The following PLXDC1 variants were observed in gnomAD, a reference collection of about 807,000 sequenced individuals.
PLXDC1 encodes plexin domain-containing protein 1.
A neutral mutation model predicts 61.3 loss-of-function variants in PLXDC1; 39 were observed. The ratio of observed to expected loss-of-function variants is 0.64; its 90% CI spans 0.49 to 0.83. PLXDC1 has a LOEUF of 0.83. Among genes scored for constraint, PLXDC1 ranks in the 40% least tolerant of loss-of-function variants. The pLI, the probability that PLXDC1 is intolerant of heterozygous loss-of-function variation, is 0.00. For synonymous variants in PLXDC1, 212 were observed against 254.5 expected, an observed-to-expected ratio of 0.83 and a Z score of 1.59; for missense variants, 596 against 666.5, an observed-to-expected ratio of 0.89 and a Z score of 1.17.
At position 39,151,254 on chromosome 17, in the gene PLXDC1, G is replaced by GC. The variant is rs1010403935; in HGVS notation, c.76+107dup. On this transcript the variant is annotated intron_variant, in intron 1 of 13. Coordinates refer to ENST00000315392, the MANE Select transcript of PLXDC1 (RefSeq NM_020405.5). This position sits in a 1 kb window ranked among gnomAD's most constrained non-coding sequence, Gnocchi z 5.2. ...GCTCTCCTGGCCTCCTGCGGACAAT[G>GC]CCCCCCTCGCGGACATCGCCAGGCC... 2.2e-5 allele frequency: 18 copies of GC among 812,984 alleles called. No homozygotes were observed. Among genetic ancestry groups the GC allele is most frequent in the Non-Finnish European group, 3.0e-5 (18 of 603,738 alleles). 50.4% of individuals were successfully genotyped at this position (812,984 alleles called of 1,614,324 possible).
intron 13 of PLXDC1, among the ~76,000 whole-genome samples, chr17:39,068,317 G>GA (rs1235372305): frequency 1.3e-5 from 2 of 152,214 alleles, no homozygotes; most frequent in Non-Finnish European, 2.9e-5. Flanking sequence ...TTGAGGCTCT[G>GA]AAAATGCCAA....
chr17:39,151,734 G>T, upstream of PLXDC1: 1 of 245,738 alleles, frequency 4.1e-6, no homozygotes. The surrounding 1 kb of genome is among the most constrained non-coding windows in gnomAD (Gnocchi z 5.2). Context: ...GGGCTCTCCC[G>T]GCGCCTGCCC....
intron 2 of PLXDC1, among the ~76,000 whole-genome samples, chr17:39,135,672 C>T (rs112558565): frequency 2.1e-5 from 3 of 144,714 alleles, no homozygotes; most frequent in Admixed American, 1.4e-4. Context: ...AGCAACACTC[C>T]GTCTAAAAAA....
upstream of PLXDC1, chr17:39,152,908 C>A (rs1185679050): frequency 1.6e-5 from 6 of 373,468 alleles, no homozygotes; most frequent in African/African-American, 4.2e-5. Context: ...CAGCCCTAAA[C>A]CCAATGTCCC....
intron 13 of PLXDC1, among the ~76,000 whole-genome samples, chr17:39,068,676 A>C (rs12451694): frequency 0.23 from 34,775 of 152,142 alleles, 4,901 homozygotes; most frequent in Admixed American, 0.4. Context: ...GACTGTCTCG[A>C]AATAAATAAA....
intron 2 of PLXDC1, among the ~76,000 whole-genome samples, chr17:39,128,777 G>A (rs34120842): frequency 0.017 from 2,427 of 144,626 alleles, 57 homozygotes; most frequent in African/African-American, 0.058. Context: ...TTGGGAGGTC[G>A]AGGTGGGCAG....
At chr17:39,092,140 G>T (rs183064641) in intron 7 of PLXDC1, among the ~76,000 whole-genome samples, 2 of 151,874 alleles carry the variant, frequency 1.3e-5, no homozygotes, top group African/African-American at 4.8e-5. Context: ...GTGTAATGGC[G>T]CAATCACAGT....
At chr17:39,115,500 G>A (rs1910938484) in intron 2 of PLXDC1, among the ~76,000 whole-genome samples, 1 of 152,200 alleles carries the variant, frequency 6.6e-6, no homozygotes, top group South Asian at 2.1e-4. Flanking sequence ...TGGCACACCT[G>A]ACTTTTATTA....
rs193034281 is a variant in PLXDC1 at position 39,084,607 on chromosome 17, G to A, written c.908-1067C>T. 3.9e-5 allele frequency among the ~76,000 whole-genome samples: 6 copies of A among 152,342 alleles called. No homozygotes were observed. In the East Asian group the frequency reaches 7.7e-4, roughly 20 times the overall value. On this transcript the variant is annotated intron_variant, in intron 8 of 13. Transcript: ENST00000315392. ...GCAGAAAGGTCCCATGTGCAGAGCC[G>A]AGAGGGGAACGGCCCAGACGTGATC...
intron 2 of PLXDC1, among the ~76,000 whole-genome samples, chr17:39,119,225 A>T (rs962198642): frequency 6.6e-6 from 1 of 152,224 alleles, no homozygotes. Context: ...AGGACCTTAA[A>T]TAGAATAGCC....
At position 39,067,468 on chromosome 17, in the gene PLXDC1, G is replaced by C. The variant is rs1486098725; in HGVS notation, c.*372C>G. The C allele has an allele frequency of 6.0e-6, 1 of 167,744 alleles. No homozygotes were observed. The highest frequency in any genetic ancestry group is 1.3e-5 in the Non-Finnish European group (1 of 78,186). The allele number at this position is 167,744 out of a possible 1,614,324, so 10.4% of individuals were successfully genotyped here. On this transcript the variant is annotated 3_prime_UTR_variant, in exon 14 of 14. Coordinates refer to ENST00000315392, the MANE Select transcript of PLXDC1 (RefSeq NM_020405.5). ...CAAACGGCATGATTCCTGTTTTTGC[G>C]TTTTATGTCAGTGCTCTAAAGTTAT...
At position 39,072,387 on chromosome 17, in the gene PLXDC1, T is replaced by C. The variant is rs1256162451; in HGVS notation, c.1222+63A>G. The C allele has an allele frequency of 4.3e-6, 5 of 1,166,036 alleles. No individual in the cohort carries two copies. In the East Asian group the frequency reaches 7.6e-5, roughly 18 times the overall value. The allele number at this position is 1,166,036 out of a possible 1,614,324, so 72.2% of individuals were successfully genotyped here. Reference sequence around the variant, plus strand: ...AATAGCCCAGGCGACTGCTGCACCCTCTTCTGGGGTGGGTCCAAGAGGCGC... The same window carrying C: ...AATAGCCCAGGCGACTGCTGCACCCCCTTCTGGGGTGGGTCCAAGAGGCGC... On this transcript the variant is annotated intron_variant, in intron 12 of 13. Transcript: ENST00000315392.
In PLXDC1 at chr17:39,067,744, G is replaced by A. The variant is rs896178881; in HGVS notation, c.*96C>T. On this transcript the variant is annotated 3_prime_UTR_variant, in exon 14 of 14. Transcript: ENST00000315392. ...AAACCACCATCTCATCTCAGCCCAGGGCATGCTGGGAGAGGCCAGGAAAAG... is the reference window on the plus strand; with the variant it reads ...AAACCACCATCTCATCTCAGCCCAGAGCATGCTGGGAGAGGCCAGGAAAAG... The A allele has an allele frequency of 1.7e-6, 2 of 1,196,662 alleles. No homozygotes were observed. The highest frequency in any genetic ancestry group is 2.4e-6 in the Non-Finnish European group (2 of 834,604). 74.1% of individuals were successfully genotyped at this position (1,196,662 alleles called of 1,614,324 possible).
intron 6 of PLXDC1, 109 bp from the exon 7 acceptor site, chr17:39,106,062 G>T: frequency 1.4e-6 from 1 of 700,024 alleles, no homozygotes; most frequent in African/African-American, 1.8e-5. Context: ...ACCTCCTGGA[G>T]GACTCCAAGA....
chr17:39,120,108 C>T (rs141935771), intron 2 of PLXDC1, among the ~76,000 whole-genome samples: 4 of 152,278 alleles, frequency 2.6e-5, no homozygotes, highest in Non-Finnish European at 5.9e-5. Flanking sequence ...ATGACAGGCA[C>T]GGGTTAAATC....
At chr17:39,103,845 CAA>C (rs11370520) in intron 7 of PLXDC1, among the ~76,000 whole-genome samples, 5 of 116,540 alleles carry the variant, frequency 4.3e-5, no homozygotes, top group African/African-American at 6.7e-5. Flanking sequence ...GACTCTGTCT[CAA>C]AAAAAAAAAA....
rs747459753 is a variant in PLXDC1, at chr17:39,108,908, A to C, written c.465T>G (p.Thr155=). The change falls in exon 4 of 14, where the codon ACT becomes ACG. Residue 155 remains threonine, a synonymous_variant. Transcript: ENST00000315392. The part of the protein sequence containing the change: ...GHPLRQITIA[T]GGFIFMGDVI... ...GGCCCCACGACGTGGCCTTACCTCC[A>C]GTTGCTATGGTGATCTGCCGCAGAG... The C allele has an allele frequency of 6.2e-7, 1 of 1,612,160 alleles. No individual in the cohort carries two copies. The highest frequency in any genetic ancestry group is 1.1e-5 in the South Asian group (1 of 90,868).
At chr17:39,086,444 A>T (rs1217088518) in intron 8 of PLXDC1, among the ~76,000 whole-genome samples, 1 of 151,878 alleles carries the variant, frequency 6.6e-6, no homozygotes, top group Non-Finnish European at 1.5e-5. Context: ...TTCCTTCTCC[A>T]CCCCCTGCTC....
At chr17:39,089,713 G>T (rs1219611360) in intron 7 of PLXDC1, among the ~76,000 whole-genome samples, 1 of 152,296 alleles carries the variant, frequency 6.6e-6, no homozygotes, top group South Asian at 2.1e-4. Context: ...TGGGCGTCCC[G>T]TGCCACTGCT....
Sources: gnomAD v4.1 joint callset for allele counts (sites outside exome capture counted in the v4.1 genomes callset) on GRCh38, gnomAD v4.1.1 for gene constraint, Gnocchi (gnomAD v3.1) non-coding constraint, MANE v1.5 for transcripts, NCBI Gene and HGNC (gene_info 2026-07-23, HGNC 2026-07-21) for gene names.